The following SLC38A1 variants were observed in gnomAD, a reference collection of about 807,000 sequenced individuals.
SLC38A1 encodes solute carrier family 38 member 1.
Under a neutral mutation model 60.3 loss-of-function variants are expected in SLC38A1, and 18 were observed. The ratio of observed to expected loss-of-function variants is 0.30; its 90% confidence interval spans 0.21 to 0.44. The LOEUF (loss-of-function observed/expected upper bound fraction) is 0.44, where lower values mean the gene tolerates loss of function less well. SLC38A1 is among the 20% of genes least tolerant of loss of function. SLC38A1 has a pLI of 1.00. For synonymous variants in SLC38A1, 196 were observed against 212.1 expected, an observed-to-expected ratio of 0.92 and a Z score of 0.66; for missense variants, 448 against 587.2, an observed-to-expected ratio of 0.76 and a Z score of 2.45.
chr12:46,220,329 T>C (rs1409392131), intron 5 of SLC38A1, among the ~76,000 whole-genome samples: 1 of 152,218 alleles, frequency 6.6e-6, no homozygotes, highest in Admixed American at 6.5e-5. Context: ...ATGTCAATGA[T>C]TTTTGCTGCC....
chr12:46,206,650 A>G (rs1036072993), intron 8 of SLC38A1, among the ~76,000 whole-genome samples: 3 of 152,172 alleles, frequency 2.0e-5, no homozygotes, highest in Admixed American at 1.3e-4. Context: ...GAAAGAAAAC[A>G]GAGAAACTAA....
intron 1 of SLC38A1, among the ~76,000 whole-genome samples, chr12:46,245,342 G>T (rs549446200): frequency 6.6e-6 from 1 of 152,258 alleles, no homozygotes; most frequent in South Asian, 2.1e-4. Flanking sequence ...CATAAAAATG[G>T]CCACAAGTAT....
intron 1 of SLC38A1, among the ~76,000 whole-genome samples, chr12:46,247,609 C>G (rs1355489395): frequency 6.6e-6 from 1 of 152,208 alleles, no homozygotes; most frequent in African/African-American, 2.4e-5. Flanking sequence ...AGAAAACACT[C>G]TTCAGGATAT....
intron 2 of SLC38A1, among the ~76,000 whole-genome samples, chr12:46,240,346 G>A (rs112504144): frequency 2.0e-3 from 305 of 152,196 alleles, no homozygotes; most frequent in African/African-American, 6.9e-3. Flanking sequence ...ACAGGCATGC[G>A]CCACCACGCC....
chr12:46,198,791 T>C (rs761833908), intron 13 of SLC38A1, 48 bp from the exon 14 acceptor site: 11 of 1,122,094 alleles, frequency 9.8e-6, no homozygotes, highest in Non-Finnish European at 1.4e-5. Context: ...ACAAAGTATA[T>C]AGCTGAATGA....
chr12:46,231,505 T>C (rs1452477800), intron 3 of SLC38A1, among the ~76,000 whole-genome samples: 2 of 152,244 alleles, frequency 1.3e-5, no homozygotes, highest in Admixed American at 1.3e-4. Context: ...ATGTTAAGGA[T>C]GCTTTTTGGC....
At chr12:46,198,259 TAG>T (rs2095342387) in intron 14 of SLC38A1, among the ~76,000 whole-genome samples, 199 bp from the exon 15 acceptor site, 1 of 146,220 alleles carries the variant, frequency 6.8e-6, no homozygotes, top group African/African-American at 2.7e-5. Context: ...TTATGAGTAG[TAG>T]AGTTTTCTTG....
chr12:46,207,698 T>A, intron 6 of SLC38A1, 77 bp from the exon 7 acceptor site: 1 of 1,369,118 alleles, frequency 7.3e-7, no homozygotes, highest in Non-Finnish European at 1.0e-6. Flanking sequence ...TTTGTCATTC[T>A]ATTGACTGTT....
chr12:46,266,170 AGTATTT>A (rs1250403423), intron 1 of SLC38A1, among the ~76,000 whole-genome samples: 6 of 152,330 alleles, frequency 3.9e-5, no homozygotes, highest in South Asian at 2.1e-4. Context: ...CGATCCAACA[AGTATTT>A]ATTAAGCAGG....
At position 46,226,617 on chromosome 12, in the gene SLC38A1, CT is replaced by C. The variant is rs199599486; in HGVS notation, c.314+2535del. ...TCCCAAACTGAAGGTCATGGATTTC[CT>C]TTTTTTTTTTTTTTTTTTTTTTTTG... On this transcript the variant is annotated intron_variant, in intron 5 of 16. Coordinates refer to ENST00000398637, the MANE Select transcript of SLC38A1 (RefSeq NM_030674.4). Among the ~76,000 whole-genome samples the C allele has an allele frequency of 6.2e-3, 762 of 122,736 alleles. 3 individuals are homozygous for C. The highest frequency in any genetic ancestry group is 0.02 in the African/African-American group (691 of 34,332). 80.5% of individuals were successfully genotyped at this position (122,736 alleles called of 152,430 possible).
chr12:46,251,336 A>G (rs945622717), intron 1 of SLC38A1, among the ~76,000 whole-genome samples: 2 of 152,234 alleles, frequency 1.3e-5, no homozygotes, highest in Admixed American at 1.3e-4. Context: ...CCTTATACAA[A>G]AATTAATTCA....
intron 1 of SLC38A1, among the ~76,000 whole-genome samples, chr12:46,263,799 A>G (rs1942272262): frequency 6.6e-6 from 1 of 152,192 alleles, no homozygotes; most frequent in Non-Finnish European, 1.5e-5. Context: ...CAGGTTATAA[A>G]CTGTAACCTG....
At chr12:46,190,386 C>T (rs576551787) in intron 16 of SLC38A1, among the ~76,000 whole-genome samples, 21 of 152,282 alleles carry the variant, frequency 1.4e-4, no homozygotes, top group African/African-American at 4.8e-4. Flanking sequence ...AATAGTGCCA[C>T]AATAAACATA....
intron 5 of SLC38A1, among the ~76,000 whole-genome samples, chr12:46,226,102 T>C (rs1940853575): frequency 6.6e-6 from 1 of 152,182 alleles, no homozygotes. Flanking sequence ...TTTCTAGGTA[T>C]GACATATTGA....
At chr12:46,196,224 A>G (rs775983216) in intron 16 of SLC38A1, 1 of 1,536,106 alleles carries the variant, frequency 6.5e-7, no homozygotes, top group South Asian at 1.2e-5. Flanking sequence ...GAGAAGGATG[A>G]TGCATTCTGA....
intron 1 of SLC38A1, among the ~76,000 whole-genome samples, chr12:46,261,531 T>A (rs1336971356): frequency 6.6e-6 from 1 of 152,154 alleles, no homozygotes; most frequent in African/African-American, 2.4e-5. Flanking sequence ...GCAGACAATA[T>A]ATTCAGTGAG....
At chr12:46,207,445 G>T in intron 7 of SLC38A1, 84 bp downstream of exon 7, 3 of 1,333,830 alleles carry the variant, frequency 2.2e-6, no homozygotes, top group Non-Finnish European at 3.2e-6. Flanking sequence ...GATGATAACT[G>T]CTTGAATTAT....
chr12:46,234,369 T>A lies in SLC38A1; in HGVS notation c.123-4730A>T, dbSNP rs1159779733. Reference sequence around the variant, plus strand: ...AATGAAGTACTTAAAGCGTCCCTATTCTCTTTATGGTGTTTCAACTTTTTC... The same window carrying A: ...AATGAAGTACTTAAAGCGTCCCTATACTCTTTATGGTGTTTCAACTTTTTC... On this transcript the variant is annotated intron_variant, in intron 3 of 16. Coordinates refer to ENST00000398637, the MANE Select transcript of SLC38A1 (RefSeq NM_030674.4). 3.9e-5 allele frequency among the ~76,000 whole-genome samples: 6 copies of A among 152,298 alleles called. No homozygotes were observed. In the South Asian group the frequency reaches 1.2e-3, roughly 32 times the overall value.
At chr12:46,221,057 A>T (rs1344696600) in intron 5 of SLC38A1, among the ~76,000 whole-genome samples, 2 of 152,054 alleles carry the variant, frequency 1.3e-5, no homozygotes, top group East Asian at 1.9e-4. Flanking sequence ...GTTTACAGAG[A>T]CCCTTATATT....
Sources: gnomAD v4.1 joint callset for allele counts (sites outside exome capture counted in the v4.1 genomes callset) on GRCh38, gnomAD v4.1.1 for gene constraint, MANE v1.5 for transcripts, NCBI Gene and HGNC (gene_info 2026-07-23, HGNC 2026-07-21) for gene names.